Variants in SCLT1 observed in about 807,000 individuals in gnomAD.
The protein encoded by SCLT1 is sodium channel and clathrin linker 1, also known as sodium channel-associated protein 1.
Under a neutral mutation model 112.8 loss-of-function variants are expected in SCLT1, and 78 were observed. That is an observed-to-expected ratio of 0.69 (90% CI 0.58 to 0.83). The LOEUF (loss-of-function observed/expected upper bound fraction) is 0.83, where lower values mean the gene tolerates loss of function less well. Among genes scored for constraint, SCLT1 ranks in the 40% least tolerant of loss-of-function variants. The pLI is 0.00. For missense variants in SCLT1, 747 were observed against 770.4 expected (o/e 0.97, Z 0.36); for synonymous variants, 257 against 254.7 (o/e 1.01, Z -0.09).
At chr4:129,060,770 T>C (rs1156254865) in intron 2 of SCLT1, among the ~76,000 whole-genome samples, 1 of 152,192 alleles carries the variant, frequency 6.6e-6, no homozygotes, top group African/African-American at 2.4e-5. Context: ...AGGTCTGACA[T>C]GGCCTACAAG....
At chr4:128,876,545 A>AACTT (rs1452411346) in exon 4 of SCLT1, 2 of 152,244 alleles carry the variant, frequency 1.3e-5, no homozygotes, top group African/African-American at 4.8e-5. Context: ...CTTCACAATT[A>AACTT]ACTTCAAGGT....
chr4:128,989,932 C>G (rs1057009168), intron 9 of SCLT1, among the ~76,000 whole-genome samples: 4 of 139,172 alleles, frequency 2.9e-5, no homozygotes, highest in Non-Finnish European at 6.3e-5. Context: ...AGACCAATAA[C>G]AAACAAGGAG....
At chr4:129,036,216 A>G (rs1191459985) in intron 5 of SCLT1, among the ~76,000 whole-genome samples, 1 of 152,030 alleles carries the variant, frequency 6.6e-6, no homozygotes. Flanking sequence ...CTTAGAATCC[A>G]TTTTTTTACA....
chr4:128,920,812 A>C (rs1222570858), intron 18 of SCLT1, among the ~76,000 whole-genome samples: 26 of 152,184 alleles, frequency 1.7e-4, no homozygotes, highest in Admixed American at 1.7e-3. Flanking sequence ...TCCTAGGCAG[A>C]GCAATGAGGC....
intron 18 of SCLT1, among the ~76,000 whole-genome samples, chr4:128,907,614 G>A (rs1374758187): frequency 6.6e-6 from 1 of 152,154 alleles, no homozygotes; most frequent in Admixed American, 6.5e-5. Flanking sequence ...AAGTACATAT[G>A]AAAATACTCA....
chr4:128,920,474 T>C (rs1185426560), intron 18 of SCLT1, among the ~76,000 whole-genome samples: 3 of 152,176 alleles, frequency 2.0e-5, no homozygotes, highest in Admixed American at 6.5e-5. Flanking sequence ...GTATTTTTAG[T>C]AGAGATGGGG....
At chr4:129,057,892 C>A (rs1003589630) in intron 2 of SCLT1, among the ~76,000 whole-genome samples, 2 of 151,934 alleles carry the variant, frequency 1.3e-5, no homozygotes, top group Admixed American at 6.6e-5. Context: ...ACTGAAATTA[C>A]AGGCACCCAC....
At chr4:129,016,079 T>G (rs1374476100) in intron 5 of SCLT1, among the ~76,000 whole-genome samples, 1 of 150,334 alleles carries the variant, frequency 6.7e-6, no homozygotes, top group Non-Finnish European at 1.5e-5. Flanking sequence ...TTCTAGAATG[T>G]TTTTTTTTAG....
intron 18 of SCLT1, among the ~76,000 whole-genome samples, chr4:128,927,986 A>C (rs1736435571): frequency 1.3e-5 from 2 of 152,078 alleles, no homozygotes; most frequent in Non-Finnish European, 2.9e-5. Flanking sequence ...AAATACTAAA[A>C]ATTTAGAAGA....
chr4:129,085,924 G>A (rs1484676178), intron 1 of SCLT1, among the ~76,000 whole-genome samples: 1 of 152,008 alleles, frequency 6.6e-6, no homozygotes, highest in South Asian at 2.1e-4. Context: ...TAATACCTGG[G>A]TGACAAAATA....
Position 129,047,928 on chromosome 4 carries a change from G to T in SCLT1, c.103-3877C>A, listed in dbSNP as rs141058927. Among the ~76,000 whole-genome samples the T allele has an allele frequency of 5.6e-3, 856 of 152,042 alleles. 6 individuals carry two copies. The highest frequency in any genetic ancestry group is 9.7e-3 in the Non-Finnish European group (659 of 67,962). ...GTTTTCAAATACTCTCTCCCATTTTGCCAGATTCCTCTTCATTCTGTTGAT... is the reference window on the plus strand; with the variant it reads ...GTTTTCAAATACTCTCTCCCATTTTTCCAGATTCCTCTTCATTCTGTTGAT... On this transcript the variant is annotated intron_variant, in intron 2 of 20. Transcript: ENST00000281142.
chr4:129,030,557 A>G (rs1746616216), intron 5 of SCLT1, among the ~76,000 whole-genome samples: 1 of 152,048 alleles, frequency 6.6e-6, no homozygotes, highest in Admixed American at 6.6e-5. Context: ...ATATAGACGG[A>G]CCTCTAGCTC....
chr4:129,077,338 C>A (rs1014758160), intron 2 of SCLT1, among the ~76,000 whole-genome samples: 24 of 152,256 alleles, frequency 1.6e-4, no homozygotes, highest in African/African-American at 5.8e-4. Flanking sequence ...AAAGTATGTT[C>A]ATTTAACACA....
chr4:129,044,528 C>G (rs572965137), intron 2 of SCLT1, among the ~76,000 whole-genome samples: 2 of 151,564 alleles, frequency 1.3e-5, no homozygotes, highest in Non-Finnish European at 2.9e-5. Context: ...AAAAAAAATC[C>G]TATTCACTAC....
chr4:129,081,261 A>G (rs1178820785), intron 2 of SCLT1, among the ~76,000 whole-genome samples: 1 of 152,122 alleles, frequency 6.6e-6, no homozygotes, highest in East Asian at 1.9e-4. Flanking sequence ...TACCCCTCCC[A>G]TATGCCCTAA....
At chr4:128,982,291 G>A (rs1741726588) in intron 9 of SCLT1, among the ~76,000 whole-genome samples, 1 of 152,174 alleles carries the variant, frequency 6.6e-6, no homozygotes, top group South Asian at 2.1e-4. Context: ...AGCTACGAAA[G>A]TGTGCATGAG....
chr4:128,997,470 A>T (rs1743109113), intron 8 of SCLT1, among the ~76,000 whole-genome samples: 1 of 151,988 alleles, frequency 6.6e-6, no homozygotes, highest in Admixed American at 6.6e-5. Flanking sequence ...TAGGAGTACC[A>T]TACCAACACA....
At chr4:129,019,868 T>C (rs931761650) in intron 5 of SCLT1, among the ~76,000 whole-genome samples, 1 of 149,640 alleles carries the variant, frequency 6.7e-6, no homozygotes, top group Non-Finnish European at 1.5e-5. Context: ...CAATTAATCA[T>C]ACACATTTTT....
intron 8 of SCLT1, among the ~76,000 whole-genome samples, chr4:128,992,515 CTA>C (rs1300186206): frequency 6.6e-6 from 1 of 151,912 alleles, no homozygotes; most frequent in Non-Finnish European, 1.5e-5. Context: ...GGGCATAAAG[CTA>C]TAAGTGTTAT....
Sources: allele counts gnomAD v4.1 joint callset (sites outside exome capture counted in the v4.1 genomes callset), GRCh38; gene constraint gnomAD v4.1.1; transcripts MANE v1.5; gene names NCBI Gene and HGNC (gene_info 2026-07-23, HGNC 2026-07-21).